Variants in ANO3 observed in about 807,000 individuals in gnomAD.
The protein encoded by ANO3 is anoctamin-3.
In ANO3, 99 loss-of-function variants were observed where a neutral mutation model predicts 144.8. The observed-to-expected ratio is 0.68, with a 90% confidence interval of 0.58 to 0.81. ANO3 has a LOEUF of 0.81. Ranked by LOEUF, ANO3 falls within the 30% of genes least tolerant of loss-of-function variation. The pLI, the probability that ANO3 is intolerant of heterozygous loss-of-function variation, is 0.00. For synonymous variants in ANO3, 414 were observed against 392.6 expected (o/e 1.05, Z -0.64); for missense variants, 905 against 1,202.2 (o/e 0.75, Z 3.66).
chr11:26,263,903 T>C (rs1358283484), intron 1 of ANO3, among the ~76,000 whole-genome samples: 3 of 152,262 alleles, frequency 2.0e-5, no homozygotes, highest in Non-Finnish European at 4.4e-5. Context: ...GTCAAAAACC[T>C]AACCTCAGTC....
At chr11:26,382,695 C>T (rs1856621841) in intron 1 of ANO3, among the ~76,000 whole-genome samples, 1 of 152,044 alleles carries the variant, frequency 6.6e-6, no homozygotes, top group Non-Finnish European at 1.5e-5. Flanking sequence ...GATGAACTAG[C>T]CTTGTAAACT....
chr11:26,625,636 C>T (rs1013360764), intron 18 of ANO3, among the ~76,000 whole-genome samples: 3 of 151,878 alleles, frequency 2.0e-5, no homozygotes, highest in Non-Finnish European at 4.4e-5. Context: ...CTTAATTTAT[C>T]CCAAAGGTTT....
At chr11:26,475,805 A>G (rs191818934) in intron 4 of ANO3, among the ~76,000 whole-genome samples, 2 of 152,232 alleles carry the variant, frequency 1.3e-5, no homozygotes, top group East Asian at 3.9e-4. Flanking sequence ...GAGAGACTAA[A>G]TTCAGTGATA....
At chr11:26,260,622 C>T (rs569487289) in intron 1 of ANO3, among the ~76,000 whole-genome samples, 1 of 152,296 alleles carries the variant, frequency 6.6e-6, no homozygotes, top group East Asian at 1.9e-4. Context: ...AGATCCTGAT[C>T]TTAACCAAGG....
intron 1 of ANO3, among the ~76,000 whole-genome samples, chr11:26,322,125 T>A (rs2133879880): frequency 6.6e-6 from 1 of 151,862 alleles, no homozygotes; most frequent in African/African-American, 2.4e-5. Flanking sequence ...ATGTACCGCA[T>A]TTTTTTAGCT....
intron 1 of ANO3, among the ~76,000 whole-genome samples, chr11:26,338,811 G>A (rs912148508): frequency 6.6e-6 from 1 of 151,784 alleles, no homozygotes; most frequent in African/African-American, 2.4e-5. Context: ...CCGGAAGGAA[G>A]AAACTCTGGA....
intron 6 of ANO3, among the ~76,000 whole-genome samples, chr11:26,524,351 T>C (rs1849108797): frequency 6.6e-6 from 1 of 152,222 alleles, no homozygotes. Flanking sequence ...AACTTTAAAA[T>C]TATTTTCTGG....
chr11:26,439,195 T>A (rs1858420950), intron 1 of ANO3, among the ~76,000 whole-genome samples: 2 of 152,166 alleles, frequency 1.3e-5, no homozygotes, highest in Admixed American at 1.3e-4. Context: ...TAACCTAAAC[T>A]TAAGAGCTAA....
At chr11:26,276,102 A>G (rs543346028) in intron 1 of ANO3, among the ~76,000 whole-genome samples, 9 of 152,296 alleles carry the variant, frequency 5.9e-5, no homozygotes, top group Non-Finnish European at 1.2e-4. Context: ...GTGCATTTGC[A>G]TATCAGCAAA....
intron 14 of ANO3, chr11:26,565,333 T>G (rs201972788): frequency 6.2e-7 from 1 of 1,611,256 alleles, no homozygotes; most frequent in Admixed American, 1.7e-5. Context: ...GATGGAGAAG[T>G]TGGTTCTGAA....
At chr11:26,433,373 T>C (rs1010262380) in intron 1 of ANO3, among the ~76,000 whole-genome samples, 2 of 152,098 alleles carry the variant, frequency 1.3e-5, no homozygotes, top group African/African-American at 2.4e-5. Flanking sequence ...TCTATTTCAG[T>C]TCCCTTTCTT....
At chr11:26,616,702 A>G (rs1852272026) in intron 17 of ANO3, among the ~76,000 whole-genome samples, 1 of 152,226 alleles carries the variant, frequency 6.6e-6, no homozygotes, top group Non-Finnish European at 1.5e-5. Flanking sequence ...GACCAAGCTC[A>G]TAATAGAACC....
At chr11:26,366,506 G>A (rs1002974273) in intron 1 of ANO3, among the ~76,000 whole-genome samples, 13 of 152,078 alleles carry the variant, frequency 8.5e-5, no homozygotes, top group Non-Finnish European at 1.5e-4. Flanking sequence ...GTAATGGGAT[G>A]GCTGGGTCAA....
chr11:26,566,405 G>T (rs1290424960), intron 14 of ANO3, among the ~76,000 whole-genome samples: 1 of 151,718 alleles, frequency 6.6e-6, no homozygotes, highest in Non-Finnish European at 1.5e-5. Context: ...CCATATATTA[G>T]ATTTTTTTAA....
intron 1 of ANO3, among the ~76,000 whole-genome samples, chr11:26,296,906 A>G (rs1411359982): frequency 6.6e-6 from 1 of 152,146 alleles, no homozygotes; most frequent in Non-Finnish European, 1.5e-5. Context: ...ACACTTCTAG[A>G]TATCATCCAG....
chr11:26,630,678 T>A (rs1171336257), intron 18 of ANO3, among the ~76,000 whole-genome samples: 2 of 152,228 alleles, frequency 1.3e-5, no homozygotes, highest in Non-Finnish European at 2.9e-5. Flanking sequence ...TTTAGCCTTA[T>A]GCCACTAGGC....
intron 4 of ANO3, among the ~76,000 whole-genome samples, chr11:26,470,301 A>C (rs1859734266): frequency 6.6e-6 from 1 of 151,504 alleles, no homozygotes; most frequent in African/African-American, 2.4e-5. Context: ...AGTCCCAACT[A>C]CTCGGGAGAC....
intron 3 of ANO3, among the ~76,000 whole-genome samples, chr11:26,445,823 T>C (rs907545641): frequency 7.9e-5 from 12 of 151,864 alleles, no homozygotes; most frequent in Admixed American, 7.2e-4. Context: ...TTTATTATTT[T>C]ATTTTATTAT....
exon 1 of ANO3, chr11:26,189,326 G>C (rs937265829): frequency 1.0e-6 from 1 of 985,072 alleles, no homozygotes; most frequent in African/African-American, 1.7e-5. Flanking sequence ...GTTCTGTCCC[G>C]ACTGGTAAGC....
Sources: gnomAD v4.1 joint callset for allele counts (sites outside exome capture counted in the v4.1 genomes callset) on GRCh38, gnomAD v4.1.1 for gene constraint, MANE v1.5 for transcripts, NCBI Gene and HGNC (gene_info 2026-07-23, HGNC 2026-07-21) for gene names.